Variants in CRYBA4 observed in about 807,000 individuals in gnomAD.
CRYBA4 encodes the protein crystallin beta A4, also known as beta-crystallin A4.
A neutral mutation model predicts 31.7 loss-of-function variants in CRYBA4; 30 were observed. The observed-to-expected ratio is 0.95, with a 90% CI of 0.71 to 1.28. The LOEUF (loss-of-function observed/expected upper bound fraction) is 1.28. Among genes scored for constraint, CRYBA4 ranks in the 50% most tolerant of loss-of-function variants. CRYBA4 has a pLI of 0.00. For missense variants in CRYBA4, 225 were observed against 260.7 expected, an observed-to-expected ratio of 0.86 and a Z score of 0.94; for synonymous variants, 102 against 102.3, an observed-to-expected ratio of 1.00 and a Z score of 0.02.
the CRYBA4 span, chr22:26,615,995 G>A: frequency 5.5e-6 from 4 of 723,906 alleles, no homozygotes; most frequent in Admixed American, 6.1e-5. Context: ...AAATAGAAAG[G>A]AGAGAAAATA....
At chr22:26,617,115 G>A (rs1043237708), upstream of CRYBA4, among the ~76,000 whole-genome samples, 15 of 152,148 alleles carry the variant, frequency 9.9e-5, no homozygotes, top group African/African-American at 3.6e-4. Flanking sequence ...TGAGGCTTAT[G>A]GGAGGACCCA....
rs775557076 is a variant in CRYBA4, at chr22:26,630,411, A to G, written c.515A>G (p.Asp172Gly). 2.5e-6 allele frequency: 4 copies of G among 1,614,222 alleles called. No homozygotes were observed. The highest frequency in any genetic ancestry group is 3.3e-5 in the Admixed American group (2 of 60,030). Residue 172 changes from aspartate (D) to glycine (G), a missense_variant, in exon 6 of 6, where the codon GAC (aspartate) becomes GGC (glycine). By Grantham distance (94) the Asp-to-Gly change is moderately conservative. Transcript: ENST00000354760. ...YVLECDHHSG[D>G]YKHFREWGSH... is the part of the protein sequence containing the mutation. Reference sequence around the variant, plus strand: ...CTGGAATGCGATCACCATTCCGGTGACTACAAACATTTCCGGGAGTGGGGC... The same window carrying G: ...CTGGAATGCGATCACCATTCCGGTGGCTACAAACATTTCCGGGAGTGGGGC...
chr22:26,627,359 C>CCCTCCCTCCCTCCCTCCCTCCCT (rs1404229613), intron 4 of CRYBA4, among the ~76,000 whole-genome samples: 1 of 41,820 alleles, frequency 2.4e-5, no homozygotes. Flanking sequence ...CTCCCTCCCT[C>CCCTCCCTCCCTCCCTCCCTCCCT]CTTTCTTTCT....
intron 4 of CRYBA4, 140 bp from the exon 5 acceptor site, chr22:26,628,148 C>T: frequency 9.2e-7 from 1 of 1,089,622 alleles, no homozygotes; most frequent in Non-Finnish European, 1.4e-6. Flanking sequence ...TTTCTGGTAC[C>T]TGTTGCCTTA....
chr22:26,592,317 T>C, the CRYBA4 span, among the ~76,000 whole-genome samples: 1 of 152,192 alleles, frequency 6.6e-6, no homozygotes, highest in Non-Finnish European at 1.5e-5. Context: ...TAGGCACAGA[T>C]TCAGCAGCTA....
At chr22:26,623,403 C>T in intron 3 of CRYBA4, 51 bp downstream of exon 3, 1 of 1,431,296 alleles carries the variant, frequency 7.0e-7, no homozygotes, top group Non-Finnish European at 9.9e-7. Flanking sequence ...AGGAAGGGAC[C>T]TAGAGACGGG....
At chr22:26,606,233 T>C in the CRYBA4 span, among the ~76,000 whole-genome samples, 3 of 152,262 alleles carry the variant, frequency 2.0e-5, no homozygotes, top group African/African-American at 7.2e-5. Flanking sequence ...TCAGAATTAA[T>C]TGGTCTGGGG....
chr22:26,607,874 C>T, the CRYBA4 span: 5,178 of 1,614,086 alleles, frequency 3.2e-3, 11 homozygotes, highest in Non-Finnish European at 3.9e-3. Flanking sequence ...CAGCCCCAGC[C>T]GGAGAGCCAC....
At chr22:26,614,407 G>A in the CRYBA4 span, among the ~76,000 whole-genome samples, 4 of 152,124 alleles carry the variant, frequency 2.6e-5, no homozygotes, top group Admixed American at 6.5e-5. Context: ...GCTGGCCGAC[G>A]CTTAGGAAAA....
At chr22:26,605,580 A>G in the CRYBA4 span, among the ~76,000 whole-genome samples, 20 of 149,294 alleles carry the variant, frequency 1.3e-4, no homozygotes, top group African/African-American at 3.9e-4. Flanking sequence ...AGGCTGAGGC[A>G]GGAGAATTGC....
intron 4 of CRYBA4, among the ~76,000 whole-genome samples, chr22:26,625,979 A>T (rs1929692729): frequency 1.3e-5 from 2 of 152,086 alleles, no homozygotes; most frequent in Admixed American, 6.5e-5. Flanking sequence ...TGGAGAGGAA[A>T]GGTTTCATTT....
chr22:26,611,526 C>G, the CRYBA4 span, among the ~76,000 whole-genome samples: 3 of 149,602 alleles, frequency 2.0e-5, no homozygotes, highest in Admixed American at 6.7e-5. Flanking sequence ...GGACTGCAGA[C>G]TGCAGTGGCG....
upstream of CRYBA4, among the ~76,000 whole-genome samples, chr22:26,621,191 G>A (rs1214144892): frequency 6.6e-6 from 1 of 152,220 alleles, no homozygotes; most frequent in East Asian, 1.9e-4. Context: ...AGTTTGCAAA[G>A]CATGTTTGCA....
chr22:26,624,547 A>T (rs1929645534), intron 3 of CRYBA4, among the ~76,000 whole-genome samples: 1 of 152,168 alleles, frequency 6.6e-6, no homozygotes, highest in South Asian at 2.1e-4. Flanking sequence ...ATCTTGGGTG[A>T]TTTTTGCACA....
the CRYBA4 span, among the ~76,000 whole-genome samples, chr22:26,611,872 G>A: frequency 8.7e-4 from 133 of 152,198 alleles, no homozygotes; most frequent in Non-Finnish European, 1.5e-3. Flanking sequence ...TCACCTCTCC[G>A]AGCCTCAGTT....
chr22:26,621,058 A>G (rs1480891588), upstream of CRYBA4, among the ~76,000 whole-genome samples: 1 of 152,088 alleles, frequency 6.6e-6, no homozygotes, highest in Non-Finnish European at 1.5e-5. Flanking sequence ...CCCATTTTAC[A>G]CACAAGTATG....
the CRYBA4 span, among the ~76,000 whole-genome samples, chr22:26,601,124 A>G: frequency 6.6e-6 from 1 of 152,204 alleles, no homozygotes; most frequent in Non-Finnish European, 1.5e-5. Context: ...GAAAAAGGCC[A>G]TAGCCATGAT....
the CRYBA4 span, among the ~76,000 whole-genome samples, chr22:26,593,802 A>G: frequency 6.6e-6 from 1 of 152,180 alleles, no homozygotes. Flanking sequence ...CTGGGATTAC[A>G]AGTGTGAGCC....
the CRYBA4 span, among the ~76,000 whole-genome samples, chr22:26,603,136 A>AC: frequency 5.4e-5 from 8 of 146,912 alleles, no homozygotes; most frequent in African/African-American, 2.0e-4. Context: ...AAAAAAAAAA[A>AC]AAAAAAAACA....
Sources: gnomAD v4.1 joint callset for allele counts (sites outside exome capture counted in the v4.1 genomes callset) on GRCh38, gnomAD v4.1.1 for gene constraint, MANE v1.5 for transcripts, NCBI Gene and HGNC (gene_info 2026-07-23, HGNC 2026-07-21) for gene names.